Variants in GNG4 observed in about 807,000 individuals in gnomAD.
GNG4 encodes G protein subunit gamma 4, also known as guanine nucleotide-binding protein G(I)/G(S)/G(O) subunit gamma-4.
In GNG4, 4 loss-of-function variants were observed where a neutral mutation model predicts 5.8. That is an observed-to-expected ratio of 0.69 (90% CI 0.34 to 1.57). The LOEUF (loss-of-function observed/expected upper bound fraction) is 1.57, where lower values mean the gene tolerates loss of function less well. Among genes scored for constraint, GNG4 ranks in the 40% most tolerant of loss-of-function variants. GNG4 has a pLI of 0.06. For synonymous variants in GNG4, 29 were observed against 32.9 expected (o/e 0.88, Z 0.41); for missense variants, 96 against 95.1 (o/e 1.01, Z -0.04).
chr1:235,630,635 T>C (rs1688912462), intron 1 of GNG4, among the ~76,000 whole-genome samples: 1 of 152,176 alleles, frequency 6.6e-6, no homozygotes, highest in South Asian at 2.1e-4. Flanking sequence ...GCCCCAGGAA[T>C]GACCAGAAAG....
chr1:235,618,724 C>T lies in GNG4; in HGVS notation c.-122-23213G>A, dbSNP rs182467383. ...AGGCTGGAGTGCAGTGGCGTGATCT[C>T]GGCTCACTGCAACCTCTGTCTCCTG... On this transcript the variant is annotated intron_variant, in intron 1 of 3. Transcript: ENST00000391854. Among the ~76,000 whole-genome samples the T allele has an allele frequency of 2.1e-3, 313 of 151,052 alleles. 4 individuals carry two copies. Among genetic ancestry groups the T allele is most frequent in the African/African-American group, 7.4e-3 (303 of 41,134 alleles).
intron 1 of GNG4, among the ~76,000 whole-genome samples, chr1:235,603,580 G>T (rs1235501463): frequency 6.6e-6 from 1 of 152,112 alleles, no homozygotes; most frequent in African/African-American, 2.4e-5. Flanking sequence ...CAACCACTTT[G>T]CAAATTAAGT....
At position 235,547,802 on chromosome 1, in the gene GNG4, C is replaced by T. The variant is rs926383848; in HGVS notation, c.*4307G>A. The T allele has an allele frequency of 2.1e-4, 32 of 152,300 alleles. No individual in the cohort carries two copies. Among genetic ancestry groups the T allele is most frequent in the African/African-American group, 7.7e-4 (32 of 41,552 alleles). The allele number at this position is 152,300 out of a possible 1,614,324, so 9.4% of individuals were successfully genotyped here. A position where few individuals can be genotyped will look rare whatever the true frequency, so the allele number is the denominator to read the frequency against. On this transcript the variant is annotated 3_prime_UTR_variant, in exon 4 of 4. Coordinates refer to ENST00000391854, the MANE Select transcript of GNG4 (RefSeq NM_001098722.2). ...AAACGGAAAGCACCCAGGTAACCGG[C>T]AACCAGATCAAGAAACAGAACACCC...
intron 2 of GNG4, among the ~76,000 whole-genome samples, chr1:235,592,679 G>A (rs990714335): frequency 6.6e-6 from 1 of 152,144 alleles, no homozygotes; most frequent in Non-Finnish European, 1.5e-5. Context: ...CCCCTGGCTT[G>A]AAGATAGCCG....
chr1:235,607,109 T>A (rs561271856), intron 1 of GNG4, among the ~76,000 whole-genome samples: 42 of 152,024 alleles, frequency 2.8e-4, no homozygotes, highest in African/African-American at 6.7e-4. Flanking sequence ...CAGCTAATTT[T>A]TTTTTATTTT....
intron 3 of GNG4, among the ~76,000 whole-genome samples, chr1:235,555,330 G>A (rs1686872877): frequency 6.6e-6 from 1 of 152,242 alleles, no homozygotes; most frequent in East Asian, 1.9e-4. Context: ...ATCTCTTGTG[G>A]CTGACCCATA....
intron 1 of GNG4, among the ~76,000 whole-genome samples, chr1:235,608,092 C>A (rs1230915831): frequency 5.3e-5 from 8 of 152,096 alleles, no homozygotes. Context: ...CGCACGCCAC[C>A]ATGCCCAGCT....
At chr1:235,630,724 A>T (rs1291667264) in intron 1 of GNG4, among the ~76,000 whole-genome samples, 1 of 152,180 alleles carries the variant, frequency 6.6e-6, no homozygotes. Flanking sequence ...GCTCTGGAAG[A>T]GGAACTCTGA....
intron 1 of GNG4, among the ~76,000 whole-genome samples, chr1:235,622,908 T>G (rs1423386050): frequency 7.5e-6 from 1 of 132,710 alleles, no homozygotes. Flanking sequence ...GGCGTGATGG[T>G]GCATGCTTGT....
At chr1:235,641,592 G>A (rs980648977) in intron 1 of GNG4, among the ~76,000 whole-genome samples, 3 of 152,222 alleles carry the variant, frequency 2.0e-5, no homozygotes, top group Non-Finnish European at 4.4e-5. Flanking sequence ...TAGGGAGGCT[G>A]AGGCAGGAGA....
intron 1 of GNG4, among the ~76,000 whole-genome samples, chr1:235,597,494 C>T (rs1360817549): frequency 6.8e-6 from 1 of 147,302 alleles, no homozygotes; most frequent in Non-Finnish European, 1.5e-5. Flanking sequence ...GAGGATGGAG[C>T]TCTTATGAAT....
At chr1:235,624,043 G>C (rs924004252) in intron 1 of GNG4, among the ~76,000 whole-genome samples, 1 of 152,094 alleles carries the variant, frequency 6.6e-6, no homozygotes, top group Non-Finnish European at 1.5e-5. Context: ...CATGCCTGAA[G>C]AGCGTGGCTC....
intron 3 of GNG4, among the ~76,000 whole-genome samples, chr1:235,580,129 A>G (rs1687591992): frequency 6.6e-6 from 1 of 152,236 alleles, no homozygotes; most frequent in Non-Finnish European, 1.5e-5. Context: ...GATGGATCTT[A>G]AGGACGATAA....
intron 3 of GNG4, among the ~76,000 whole-genome samples, chr1:235,564,122 T>C (rs906876454): frequency 2.6e-5 from 4 of 152,186 alleles, no homozygotes; most frequent in Non-Finnish European, 4.4e-5. Context: ...TGCAGCAGTA[T>C]GAATACAGCT....
chr1:235,580,760 T>G (rs1687613856), intron 3 of GNG4, among the ~76,000 whole-genome samples: 1 of 148,508 alleles, frequency 6.7e-6, no homozygotes, highest in South Asian at 2.2e-4. Flanking sequence ...TTTTTTTTTT[T>G]TTTTTCCTGA....
At chr1:235,601,419 G>A (rs187952257) in intron 1 of GNG4, among the ~76,000 whole-genome samples, 117 of 152,258 alleles carry the variant, frequency 7.7e-4, no homozygotes, top group African/African-American at 1.2e-3. Flanking sequence ...GGAGGCGCCC[G>A]GCTCTCAGTG....
At chr1:235,624,718 A>G (rs1688775512) in intron 1 of GNG4, among the ~76,000 whole-genome samples, 1 of 152,046 alleles carries the variant, frequency 6.6e-6, no homozygotes, top group Admixed American at 6.6e-5. Context: ...TTCTCATTTC[A>G]TTTGCTTCCT....
At chr1:235,564,136 G>A (rs1034138748) in intron 3 of GNG4, among the ~76,000 whole-genome samples, 7 of 152,056 alleles carry the variant, frequency 4.6e-5, no homozygotes, top group East Asian at 1.9e-4. Flanking sequence ...TACAGCTGGC[G>A]GCCATTATCC....
chr1:235,565,547 T>C (rs1687173059), intron 3 of GNG4, among the ~76,000 whole-genome samples: 1 of 151,900 alleles, frequency 6.6e-6, no homozygotes, highest in South Asian at 2.1e-4. Flanking sequence ...AAAAACACAA[T>C]ATGGCAGTGA....
Sources: gnomAD v4.1 joint callset for allele counts (sites outside exome capture counted in the v4.1 genomes callset) on GRCh38, gnomAD v4.1.1 for gene constraint, MANE v1.5 for transcripts, NCBI Gene and HGNC (gene_info 2026-07-23, HGNC 2026-07-21) for gene names.